Variants in RBM33 observed in about 807,000 individuals in gnomAD.
The protein encoded by RBM33 is RNA binding motif protein 33.
RBM33 carries 28 observed loss-of-function variants against 132.6 expected under a neutral mutation model. The observed-to-expected ratio is 0.21, with a 90% CI of 0.16 to 0.29. RBM33 has a LOEUF of 0.29. Ranked by LOEUF, RBM33 falls within the 10% of genes least tolerant of loss-of-function variation. The probability of loss-of-function intolerance (pLI) is 1.00; values close to 1 mark genes in which losing one functional copy is unlikely to be tolerated. For synonymous variants in RBM33, 634 were observed against 593.0 expected, an observed-to-expected ratio of 1.07 and a Z score of -1.01; for missense variants, 1,291 against 1,518.5, an observed-to-expected ratio of 0.85 and a Z score of 2.49.
At chr7:155,763,674 G>T (rs1160195630) in intron 14 of RBM33, 138 bp from the exon 15 acceptor site, 2 of 761,114 alleles carry the variant, frequency 2.6e-6, no homozygotes, top group Non-Finnish European at 4.6e-6. Flanking sequence ...CTAGTGAAAT[G>T]ACAAGTTTCG....
chr7:155,696,168 G>A (rs1799789485), intron 5 of RBM33, among the ~76,000 whole-genome samples: 1 of 152,152 alleles, frequency 6.6e-6, no homozygotes, highest in Non-Finnish European at 1.5e-5. Flanking sequence ...TAACATGAAA[G>A]CATGTTGTGT....
rs1487771136 is a variant in RBM33 at position 155,741,871 on chromosome 7, C to T, written c.2102C>T (p.Thr701Ile). The stretch of plus-strand genomic sequence containing the variant: ...CGGCCCATGCAGCAAATGCAGCCCA[C>T]TGCGCCAAGGAACAGCAATTTGCGT... ...SKRPMQQMQP[T>I]APRNSNLREL... is the part of the protein sequence containing the mutation. Residue 701 changes from threonine (T) to isoleucine (I), a missense_variant, in exon 13 of 18, where the codon ACT becomes ATT. By Grantham distance (89) the Thr-to-Ile change is moderately conservative (BLOSUM62 -1). Transcript: ENST00000401878. The T allele has an allele frequency of 3.7e-6, 6 of 1,614,066 alleles. No individual in the cohort carries two copies. The highest frequency in any genetic ancestry group is 4.2e-6 in the Non-Finnish European group (5 of 1,179,898).
At chr7:155,730,011 C>T (rs1484955970) in intron 9 of RBM33, among the ~76,000 whole-genome samples, 6 of 152,142 alleles carry the variant, frequency 3.9e-5, no homozygotes, top group African/African-American at 1.2e-4. Flanking sequence ...TACAGCATGC[C>T]GCAGTACTTC....
At chr7:155,646,433 T>C (rs912159611) in intron 1 of RBM33, among the ~76,000 whole-genome samples, 1 of 152,246 alleles carries the variant, frequency 6.6e-6, no homozygotes, top group Non-Finnish European at 1.5e-5. Context: ...TTTCCTTCCA[T>C]TTTGTCACAA....
chr7:155,676,598 T>C (rs140970293), intron 3 of RBM33, among the ~76,000 whole-genome samples: 2 of 152,316 alleles, frequency 1.3e-5, no homozygotes, highest in African/African-American at 4.8e-5. Context: ...TTTGGAAAGA[T>C]TGAGAGAAAG....
chr7:155,672,144 G>A (rs550001065), intron 2 of RBM33, among the ~76,000 whole-genome samples: 15 of 151,298 alleles, frequency 9.9e-5, no homozygotes, highest in South Asian at 2.1e-4. Flanking sequence ...AATGTCAAAC[G>A]GTCTCTAGTG....
rs1219300864 is a variant in RBM33, at chr7:155,741,869, C to T, written c.2100C>T (p.Pro700=). The T allele has an allele frequency of 1.2e-6, 2 of 1,613,994 alleles. No homozygotes were observed. Among genetic ancestry groups the T allele is most frequent in the South Asian group, 1.1e-5 (1 of 91,078 alleles). Residue 700 remains proline, a synonymous_variant, in exon 13 of 18, where the codon CCC becomes CCT. Coordinates refer to ENST00000401878, the MANE Select transcript of RBM33 (RefSeq NM_053043.3). ...AGCGGCCCATGCAGCAAATGCAGCC[C>T]ACTGCGCCAAGGAACAGCAATTTGC... is the stretch of plus-strand genomic sequence containing the variant. ...VSKRPMQQMQ[P]TAPRNSNLRE...
chr7:155,669,307 A>G (rs1260888446), intron 2 of RBM33, among the ~76,000 whole-genome samples: 3 of 152,182 alleles, frequency 2.0e-5, no homozygotes, highest in South Asian at 2.1e-4. Context: ...TTTTAAAGAT[A>G]TGAATGTCTC....
At chr7:155,655,914 C>T (rs1798480916) in intron 1 of RBM33, among the ~76,000 whole-genome samples, 1 of 152,054 alleles carries the variant, frequency 6.6e-6, no homozygotes, top group Non-Finnish European at 1.5e-5. Context: ...AAAAAAGGTA[C>T]TTGTTCAATT....
chr7:155,680,158 A>G (rs1109626), intron 4 of RBM33, among the ~76,000 whole-genome samples: 98,025 of 152,130 alleles, frequency 0.64, 32,503 homozygotes, highest in South Asian at 0.77. Context: ...TTCTCCTTAT[A>G]GAATAATACT....
chr7:155,717,970 C>G (rs376311221), intron 8 of RBM33, among the ~76,000 whole-genome samples: 1 of 152,160 alleles, frequency 6.6e-6, no homozygotes, highest in African/African-American at 2.4e-5. Context: ...TCCCTTCTCT[C>G]TTTCATGATT....
chr7:155,744,217 T>C (rs1414868532), intron 13 of RBM33, among the ~76,000 whole-genome samples: 8 of 152,256 alleles, frequency 5.3e-5, no homozygotes, highest in Non-Finnish European at 7.3e-5. Flanking sequence ...TGGATATGGA[T>C]GATTTTTAAA....
chr7:155,739,591 A>G, intron 11 of RBM33, 124 bp from the exon 12 acceptor site: 3 of 1,062,876 alleles, frequency 2.8e-6, no homozygotes, highest in Non-Finnish European at 4.0e-6. Flanking sequence ...GCAAGTCTAA[A>G]ATGAAGTTTT....
chr7:155,725,600 G>A (rs1180907631), intron 9 of RBM33, among the ~76,000 whole-genome samples: 2 of 152,174 alleles, frequency 1.3e-5, no homozygotes, highest in Non-Finnish European at 2.9e-5. Flanking sequence ...AGCAGGGCCA[G>A]TCATTAGGAG....
Position 155,665,251 on chromosome 7 carries a change from C to G in RBM33, c.120C>G (p.Asp40Glu). 1 of 1,613,418 alleles carries G rather than the reference C, an allele frequency of 6.2e-7. No individual in the cohort carries two copies. Among genetic ancestry groups the G allele is most frequent in the East Asian group, 2.2e-5 (1 of 44,870 alleles). ...GAAGAGCTGCTGATGAGGACTGGGA[C>G]AGGTACGTGCACCCTGTGCTTCACC... Reference protein sequence around the residue: ...WRRRAADEDWDSELEDDLLGE... With the variant: ...WRRRAADEDWESELEDDLLGE... The change falls in exon 2 of 18, where the codon GAC becomes GAG. Residue 40 changes from aspartate to glutamate, a missense_variant and splice_region_variant. Asp to Glu is a conservative substitution (Grantham distance 45). Around this residue, in one of 7 missense-constraint regions of RBM33, gnomAD observed 194 missense variants for 249.8 expected, o/e 0.78. Transcript: ENST00000401878.
At chr7:155,677,055 C>T (rs1235230647) in intron 3 of RBM33, among the ~76,000 whole-genome samples, 1 of 152,008 alleles carries the variant, frequency 6.6e-6, no homozygotes, top group Non-Finnish European at 1.5e-5. Flanking sequence ...TAAAGCTTTC[C>T]TGAAGTTTTA....
At chr7:155,723,844 G>T (rs1322070855) in intron 9 of RBM33, among the ~76,000 whole-genome samples, 3 of 152,168 alleles carry the variant, frequency 2.0e-5, no homozygotes, top group Non-Finnish European at 4.4e-5. Context: ...GTTGTCCCTT[G>T]TACAACATGT....
chr7:155,744,095 T>C (rs548583948), intron 13 of RBM33, among the ~76,000 whole-genome samples: 1 of 152,244 alleles, frequency 6.6e-6, no homozygotes, highest in South Asian at 2.1e-4. Context: ...TCCTCAGCTG[T>C]GCTTTTGTCT....
intron 3 of RBM33, among the ~76,000 whole-genome samples, chr7:155,673,807 C>CACACACACACACACA (rs1799077906): frequency 6.7e-6 from 1 of 150,026 alleles, no homozygotes; most frequent in East Asian, 1.9e-4. Flanking sequence ...CACACCCCTA[C>CACACACACACACACA]CAGTATATTT....
Sources: allele counts gnomAD v4.1 joint callset (sites outside exome capture counted in the v4.1 genomes callset), GRCh38; gene constraint gnomAD v4.1.1; regional missense constraint gnomAD v4.1.1; transcripts MANE v1.5; gene names NCBI Gene and HGNC (gene_info 2026-07-23, HGNC 2026-07-21).